Variants in OXR1 observed in about 807,000 individuals in gnomAD.
The protein encoded by OXR1 is oxidation resistance protein 1.
In OXR1, 41 loss-of-function variants were observed where a neutral mutation model predicts 104.6. The ratio of observed to expected loss-of-function variants is 0.39; its 90% confidence interval spans 0.31 to 0.51. The LOEUF is 0.51. Among genes scored for constraint, OXR1 ranks in the 20% least tolerant of loss-of-function variants. OXR1 has a pLI of 0.77. For synonymous variants in OXR1, 348 were observed against 348.4 expected, an observed-to-expected ratio of 1.00 and a Z score of 0.01; for missense variants, 955 against 1,031.9, an observed-to-expected ratio of 0.93 and a Z score of 1.02.
chr8:106,378,634 C>T (rs1450998211), intron 2 of OXR1, among the ~76,000 whole-genome samples: 3 of 152,228 alleles, frequency 2.0e-5, no homozygotes, highest in East Asian at 3.9e-4. Flanking sequence ...CTCAGCCTCC[C>T]GAGTAGCTGG....
chr8:106,721,463 G>T (rs1475317861), intron 11 of OXR1, among the ~76,000 whole-genome samples: 4 of 151,862 alleles, frequency 2.6e-5, no homozygotes, highest in Non-Finnish European at 5.9e-5. Flanking sequence ...GTGTTGATAG[G>T]GTGTGTAACA....
intron 3 of OXR1, among the ~76,000 whole-genome samples, chr8:106,639,428 G>A: frequency 6.6e-6 from 1 of 152,110 alleles, no homozygotes; most frequent in East Asian, 1.9e-4. Context: ...CAGACAAGAA[G>A]ATGAATGAGA....
intron 2 of OXR1, 76 bp from the exon 3 acceptor site, chr8:106,518,867 G>GA: frequency 3.4e-5 from 38 of 1,118,430 alleles, no homozygotes; most frequent in Middle Eastern, 2.1e-4. Flanking sequence ...CTCAATTGTT[G>GA]AAAAAAAATT....
chr8:106,439,568 A>G (rs2186398), intron 2 of OXR1, among the ~76,000 whole-genome samples: 76,630 of 151,908 alleles, frequency 0.5, 21,917 homozygotes, highest in East Asian at 0.78. Flanking sequence ...TAAATTCAGA[A>G]ATTCTAAACC....
At chr8:106,325,185 T>G (rs1814417247) in intron 1 of OXR1, among the ~76,000 whole-genome samples, 1 of 152,202 alleles carries the variant, frequency 6.6e-6, no homozygotes, top group Non-Finnish European at 1.5e-5. Context: ...GAACAATGAA[T>G]TGCTTGTCCT....
At chr8:106,535,241 A>G (rs963284995) in intron 3 of OXR1, among the ~76,000 whole-genome samples, 1 of 152,172 alleles carries the variant, frequency 6.6e-6, no homozygotes, top group Non-Finnish European at 1.5e-5. Flanking sequence ...CTGCAGAAAT[A>G]ACAGCAGGCT....
At chr8:106,322,695 T>C (rs1290379986) in intron 1 of OXR1, among the ~76,000 whole-genome samples, 1 of 151,924 alleles carries the variant, frequency 6.6e-6, no homozygotes, top group Non-Finnish European at 1.5e-5. Flanking sequence ...AGTTGCGGAG[T>C]ACAAAATCAA....
chr8:106,492,933 C>A (rs1051946837), intron 2 of OXR1, among the ~76,000 whole-genome samples: 10 of 152,222 alleles, frequency 6.6e-5, no homozygotes, highest in East Asian at 1.9e-4. Flanking sequence ...TATATATGAA[C>A]TGATGTTAAA....
intron 6 of OXR1, among the ~76,000 whole-genome samples, chr8:106,687,277 C>A (rs115537827): frequency 0.028 from 4,271 of 152,226 alleles, 206 homozygotes; most frequent in African/African-American, 0.098. Context: ...CTTTTGTCAG[C>A]CCTTTCCACA....
At chr8:106,426,182 A>C (rs1382562246) in intron 2 of OXR1, among the ~76,000 whole-genome samples, 3 of 152,144 alleles carry the variant, frequency 2.0e-5, no homozygotes, top group African/African-American at 7.2e-5. Flanking sequence ...CCTCTGACCT[A>C]TTATGAGAAT....
intron 15 of OXR1, among the ~76,000 whole-genome samples, chr8:106,743,031 T>C (rs1835052984): frequency 1.3e-5 from 2 of 152,268 alleles, no homozygotes; most frequent in African/African-American, 4.8e-5. Flanking sequence ...AGAAAATTTT[T>C]GCAATCTATC....
At chr8:106,377,176 A>G (rs1816940685) in intron 2 of OXR1, among the ~76,000 whole-genome samples, 3 of 152,104 alleles carry the variant, frequency 2.0e-5, no homozygotes, top group Admixed American at 6.6e-5. Context: ...CATTTTTGGG[A>G]TAATACACAC....
At chr8:106,537,158 A>G (rs1814600102) in intron 3 of OXR1, among the ~76,000 whole-genome samples, 2 of 151,954 alleles carry the variant, frequency 1.3e-5, no homozygotes, top group African/African-American at 4.8e-5. Flanking sequence ...TCACCCTCAT[A>G]ATATAACTAC....
At chr8:106,375,002 G>T (rs549888602) in intron 2 of OXR1, among the ~76,000 whole-genome samples, 2 of 152,262 alleles carry the variant, frequency 1.3e-5, no homozygotes, top group South Asian at 4.1e-4. Flanking sequence ...TTTGATTTTA[G>T]ATTACTGATA....
intron 7 of OXR1, among the ~76,000 whole-genome samples, chr8:106,694,653 G>A (rs1216907412): frequency 0.075 from 2,405 of 32,178 alleles, 242 homozygotes; most frequent in East Asian, 0.16. Flanking sequence ...ATATATATTT[G>A]ATATATAAAT....
chr8:106,512,592 C>T (rs1033502245), intron 2 of OXR1, among the ~76,000 whole-genome samples: 6 of 151,990 alleles, frequency 3.9e-5, no homozygotes, highest in Admixed American at 3.9e-4. Context: ...CTTTTTTATG[C>T]GTTTCAGTCA....
intron 2 of OXR1, among the ~76,000 whole-genome samples, chr8:106,510,765 C>A (rs768954837): frequency 6.6e-6 from 1 of 152,144 alleles, no homozygotes; most frequent in Non-Finnish European, 1.5e-5. Flanking sequence ...TTAATTCTTA[C>A]ATTTTCTGTT....
chr8:106,739,427 AT>A, intron 12 of OXR1, 30 bp from the exon 13 acceptor site: 1 of 1,593,228 alleles, frequency 6.3e-7, no homozygotes, highest in Non-Finnish European at 8.6e-7. Flanking sequence ...ACAAGTTTAC[AT>A]TAATGCACTA....
At chr8:106,593,235 A>C (rs1819238889) in intron 3 of OXR1, among the ~76,000 whole-genome samples, 1 of 152,138 alleles carries the variant, frequency 6.6e-6, no homozygotes, top group Non-Finnish European at 1.5e-5. Flanking sequence ...CATCCTGTAT[A>C]AGTATGCACG....
Sources: gnomAD v4.1 joint callset for allele counts (sites outside exome capture counted in the v4.1 genomes callset) on GRCh38, gnomAD v4.1.1 for gene constraint, MANE v1.5 for transcripts, NCBI Gene and HGNC (gene_info 2026-07-23, HGNC 2026-07-21) for gene names.